The following PPEF1 variants were observed in gnomAD, a reference collection of about 807,000 sequenced individuals.
PPEF1 encodes the protein serine/threonine-protein phosphatase with EF-hands 1.
Under a neutral mutation model 53.3 loss-of-function variants are expected in PPEF1, and 12 were observed. The ratio of observed to expected loss-of-function variants is 0.23; its 90% CI spans 0.14 to 0.36. PPEF1 has a LOEUF of 0.36. Ranked by LOEUF, PPEF1 falls within the 10% of genes least tolerant of loss-of-function variation. The probability of loss-of-function intolerance (pLI) is 1.00; values close to 1 mark genes in which losing one functional copy is unlikely to be tolerated. For missense variants in PPEF1, 334 were observed against 490.4 expected, an observed-to-expected ratio of 0.68 and a Z score of 3.01; for synonymous variants, 165 against 176.7, an observed-to-expected ratio of 0.93 and a Z score of 0.52.
At chrX:18,676,352 C>G (rs892610175) in intron 1 of PPEF1, among the ~76,000 whole-genome samples, 8 of 110,228 alleles carry the variant, frequency 7.3e-5, no homozygotes, top group East Asian at 2.9e-4. Context: ...TAATCCCCCC[C>G]ACACACACAC....
intron 13 of PPEF1, among the ~76,000 whole-genome samples, chrX:18,821,185 T>A (rs943384816): frequency 1.2e-4 from 12 of 96,616 alleles, no homozygotes; most frequent in Non-Finnish European, 1.0e-4. Flanking sequence ...ATTGCGCCAC[T>A]GCACTCCAGA....
chrX:18,749,244 A>G (rs1258231948), intron 3 of PPEF1, among the ~76,000 whole-genome samples: 1 of 112,309 alleles, frequency 8.9e-6, no homozygotes, highest in African/African-American at 3.2e-5. Flanking sequence ...TTTGTTACCA[A>G]GAAAGAATGA....
At chrX:18,700,628 T>C (rs1037757100) in intron 6 of PPEF1, among the ~76,000 whole-genome samples, 1 of 111,686 alleles carries the variant, frequency 9.0e-6, no homozygotes, top group Non-Finnish European at 1.9e-5. Context: ...GACGTACAGA[T>C]GACTTGGCAA....
intron 6 of PPEF1, among the ~76,000 whole-genome samples, chrX:18,774,944 CTT>C (rs980014760): frequency 2.7e-5 from 3 of 110,747 alleles, no homozygotes; most frequent in African/African-American, 6.6e-5. Flanking sequence ...AAATTGAAGT[CTT>C]TTTTTTAACC....
intron 13 of PPEF1, among the ~76,000 whole-genome samples, chrX:18,822,550 C>G (rs937246235): frequency 1.8e-5 from 2 of 108,594 alleles, no homozygotes; most frequent in Non-Finnish European, 3.8e-5. Context: ...GCTCTGTCGC[C>G]CAGGCTGGAG....
chrX:18,706,578 C>T (rs972358534), upstream of PPEF1, among the ~76,000 whole-genome samples: 55 of 109,760 alleles, frequency 5.0e-4, no homozygotes, highest in Middle Eastern at 4.7e-3. Flanking sequence ...AACCCCGTCT[C>T]TACTAAAAAT....
intron 2 of PPEF1, among the ~76,000 whole-genome samples, chrX:18,685,627 G>A (rs1929042077): frequency 9.6e-6 from 1 of 104,337 alleles, no homozygotes; most frequent in Admixed American, 1.0e-4. Context: ...GGGGCTTGCA[G>A]TGAGCCGAGA....
chrX:18,821,780 AGAGAGAGAGAGAGAGAGAGAGAG>A (rs2047057952), intron 13 of PPEF1, among the ~76,000 whole-genome samples: 6 of 103,808 alleles, frequency 5.8e-5, no homozygotes, highest in African/African-American at 2.1e-4. Context: ...AGAGAGAGAG[AGAGAGAGAGAGAGAGAGAGAGAG>A]AAAACAAATA....
At chrX:18,705,369 G>T (rs1449080952), upstream of PPEF1, among the ~76,000 whole-genome samples, 1 of 111,565 alleles carries the variant, frequency 9.0e-6, no homozygotes, top group Non-Finnish European at 1.9e-5. Context: ...TCTTGTTAAT[G>T]TTCTTTAGCC....
chrX:18,794,654 G>A (rs187943211), intron 10 of PPEF1, among the ~76,000 whole-genome samples: 48 of 112,878 alleles, frequency 4.3e-4, no homozygotes, highest in African/African-American at 1.5e-3. Context: ...CCTAGGATAG[G>A]GCTTCTGCCC....
chrX:18,702,180 C>T (rs1320946708), intron 6 of PPEF1, among the ~76,000 whole-genome samples: 2 of 111,393 alleles, frequency 1.8e-5, no homozygotes, highest in Non-Finnish European at 3.8e-5. Flanking sequence ...GCTATAAAAC[C>T]TCTGTGGCAA....
chrX:18,816,540 T>C (rs2046920040), intron 12 of PPEF1, among the ~76,000 whole-genome samples: 1 of 111,807 alleles, frequency 8.9e-6, no homozygotes, highest in African/African-American at 3.2e-5. Context: ...TACATATCTG[T>C]GAGGTCTAGT....
At chrX:18,681,337 G>A (rs1167566692), upstream of PPEF1, among the ~76,000 whole-genome samples, 2 of 111,870 alleles carry the variant, frequency 1.8e-5, no homozygotes, top group Non-Finnish European at 3.8e-5. Flanking sequence ...CACCATCCTC[G>A]ACTGGAATGA....
intron 12 of PPEF1, among the ~76,000 whole-genome samples, chrX:18,809,125 A>G (rs1211083005): frequency 1.8e-5 from 2 of 108,538 alleles, no homozygotes; most frequent in Non-Finnish European, 3.8e-5. Flanking sequence ...CTATCTATCT[A>G]TCTATCTATC....
chrX:18,698,169 T>C (rs927833995), intron 5 of PPEF1, among the ~76,000 whole-genome samples: 2 of 112,267 alleles, frequency 1.8e-5, no homozygotes, highest in Non-Finnish European at 3.8e-5. Context: ...TCAATAGATA[T>C]TATCATTATT....
intron 3 of PPEF1, among the ~76,000 whole-genome samples, chrX:18,737,268 C>G: frequency 8.9e-6 from 1 of 111,896 alleles, no homozygotes; most frequent in Middle Eastern, 4.6e-3. Context: ...GCATTTAGTG[C>G]TATAAGTTTC....
chrX:18,685,190 C>G (rs1174177289), intron 2 of PPEF1, among the ~76,000 whole-genome samples: 1 of 112,269 alleles, frequency 8.9e-6, no homozygotes, highest in Non-Finnish European at 1.9e-5. Flanking sequence ...GGAAAGATTT[C>G]AAGTGTGGTG....
chrX:18,789,256 G>A lies in PPEF1; in HGVS notation c.1048G>A (p.Glu350Lys). 1 of 1,210,430 alleles carries A rather than the reference G, an allele frequency of 8.3e-7. No individual in the cohort carries two copies. The highest frequency in any genetic ancestry group is 3.0e-5 in the East Asian group (1 of 33,831). The change falls in exon 10 of 16, where the codon GAG becomes AAG. Residue 350 changes from glutamate (E) to lysine (K), a missense_variant. Transcript: ENST00000470157. ...TGGATCTCCTACTGAACACTTAACAGAGCATGAATGGGAACAGGTAGGTAA... is the reference window on the plus strand; with the variant it reads ...TGGATCTCCTACTGAACACTTAACAAAGCATGAATGGGAACAGGTAGGTAA... ...TNGSPTEHLT[E>K]HEWEQIIDIL... is the part of the protein sequence containing the mutation.
chrX:18,720,460 C>T (rs767248168), intron 1 of PPEF1, among the ~76,000 whole-genome samples: 31 of 110,226 alleles, frequency 2.8e-4, no homozygotes, highest in Non-Finnish European at 5.3e-4. Context: ...GGCATGGTGG[C>T]GTGTGCCTGT....
Sources: allele counts gnomAD v4.1 joint callset (sites outside exome capture counted in the v4.1 genomes callset), GRCh38; gene constraint gnomAD v4.1.1; transcripts MANE v1.5; gene names NCBI Gene and HGNC (gene_info 2026-07-23, HGNC 2026-07-21).